The following PKD1 variants were observed in gnomAD, a reference collection of about 807,000 sequenced individuals.
The protein encoded by PKD1 is polycystin-1.
Under a neutral mutation model 361.7 loss-of-function variants are expected in PKD1, and 81 were observed. The observed-to-expected ratio is 0.22, with a 90% CI of 0.19 to 0.27. PKD1 has a LOEUF of 0.27. Among genes scored for constraint, PKD1 ranks in the 10% least tolerant of loss-of-function variants. PKD1 has a pLI of 1.00. For synonymous variants in PKD1, 3,615 were observed against 2,818.3 expected (o/e 1.28, Z -8.95); for missense variants, 6,399 against 6,118.3 (o/e 1.05, Z -1.53).
At chr16:2,105,496 G>C in intron 20 of PKD1, 22 bp from the exon 21 acceptor site, 1 of 1,595,218 alleles carries the variant, frequency 6.3e-7, no homozygotes, top group Admixed American at 1.7e-5. Context: ...AGGGGGCACA[G>C]CAAGCTGTCA....
In PKD1 at chr16:2,112,881, T is replaced by C. The variant is rs2369069; in HGVS notation, c.3068A>G (p.Gln1023Arg). The C allele has an allele frequency of 5.0e-6, 8 of 1,607,004 alleles. No homozygotes were observed. Among genetic ancestry groups the C allele is most frequent in the Non-Finnish European group, 6.8e-6 (8 of 1,179,708 alleles). The change falls in exon 13 of 46, where the codon CAG (glutamine) becomes CGG (arginine). Residue 1023 changes from glutamine (Q) to arginine (R), a missense_variant. By Grantham distance (43) the Gln-to-Arg change is conservative. Coordinates refer to ENST00000262304, the MANE Select transcript of PKD1 (RefSeq NM_001009944.3). The part of the protein sequence containing the change: ...VERMNRMQGL[Q>R]VSTVPAVLSP... ...CAGCACGGCCGGCACTGTGGAGACC[T>C]GCAGACCCTGCATCCTGTTCATCCG...
In PKD1 at chr16:2,090,145, G is replaced by C; in HGVS notation, c.12494C>G (p.Ser4165Cys). 2 of 1,595,758 alleles carry C rather than the reference G, an allele frequency of 1.3e-6. No individual in the cohort carries two copies. The highest frequency in any genetic ancestry group is 1.7e-6 in the Non-Finnish European group (2 of 1,170,224). Reference protein sequence around the residue: ...FEGMEPLPSRSSRGSKVSPDV... With the variant: ...FEGMEPLPSRCSRGSKVSPDV... ...CGGGGATACCTTGGAGCCCCTGGAG[G>C]AGCGAGAGGGCAGCGGCTCCATCCC... Residue 4165 changes from serine to cysteine, a missense_variant, in exon 46 of 46, where the codon TCC becomes TGC. By Grantham distance (112) the Ser-to-Cys change is moderately radical. Coordinates refer to ENST00000262304, the MANE Select transcript of PKD1 (RefSeq NM_001009944.3).
chr16:2,094,143 TGGGTGGCC>T lies in PKD1; in HGVS notation c.10559_10566del (p.Gly3520GlufsTer104), dbSNP rs1173016892. On this transcript the variant is annotated frameshift_variant, in exon 35 of 46. Transcript: ENST00000262304. LOFTEE classifies it high-confidence loss of function. Reference sequence around the variant, plus strand: ...GGCTGTTCCCAGTTCAGGCCTGGGCTGGGTGGCCCCAGCTCCCCCAGCCTCTGCAGCGC... The same window carrying T: ...GGCTGTTCCCAGTTCAGGCCTGGGCTCCAGCTCCCCCAGCCTCTGCAGCGC... 1.9e-6 allele frequency: 3 copies of T among 1,599,274 alleles called. No homozygotes were observed. The East Asian group carries it at 6.8e-5, about 36-fold the overall frequency.
rs771669643 is a variant in PKD1 at position 2,109,319 on chromosome 16, C to T, written c.5848G>A (p.Val1950Met). ...CAGCTCACGTGGTTTTTGCCCCGCA[C>T]GCTCACCACGTGGTCTCCGACGCGG... Reference protein sequence around the residue: ...FPRVGDHVVSVRGKNHVSWAQ... With the variant: ...FPRVGDHVVSMRGKNHVSWAQ... Residue 1950 changes from valine (V) to methionine (M), a missense_variant, in exon 15 of 46, where the codon GTG (valine) becomes ATG (methionine). Val to Met is a conservative substitution (Grantham distance 21, BLOSUM62 1). Coordinates refer to ENST00000262304, the MANE Select transcript of PKD1 (RefSeq NM_001009944.3). The T allele has an allele frequency of 1.1e-5, 18 of 1,587,502 alleles. No homozygotes were observed. Among genetic ancestry groups the T allele is most frequent in the African/African-American group, 4.0e-5 (3 of 74,610 alleles).
intron 1 of PKD1, among the ~76,000 whole-genome samples, chr16:2,124,013 G>T (rs1332778607): frequency 6.6e-6 from 1 of 152,202 alleles, no homozygotes; most frequent in East Asian, 1.9e-4. Context: ...CCTAGCGTGG[G>T]ACCCAGCGGG....
chr16:2,116,928 G>A lies in PKD1; in HGVS notation c.1511C>T (p.Thr504Ile), dbSNP rs771974450. The change falls in exon 7 of 46, where the codon ACA becomes ATA. Residue 504 changes from threonine (T) to isoleucine (I), a missense_variant. Thr to Ile is a moderately conservative substitution (Grantham distance 89, BLOSUM62 -1). Coordinates refer to ENST00000262304, the MANE Select transcript of PKD1 (RefSeq NM_001009944.3). ...CCCGAGCCGGACGCAGTGCTCGGCT[G>A]TGGCTGGGTGTGGCTCCCCGGGCAG... ...NWLPGEPHPA[T>I]AEHCVRLGPT... 8.0e-6 allele frequency: 12 copies of A among 1,508,954 alleles called. No individual in the cohort carries two copies. Among genetic ancestry groups the A allele is most frequent in the South Asian group, 5.9e-5 (5 of 84,514 alleles). 93.5% of individuals were successfully genotyped at this position (1,508,954 alleles called of 1,614,324 possible).
At position 2,090,622 on chromosome 16, in the gene PKD1, C is replaced by CAGCTG. The variant is rs758921376; in HGVS notation, c.12139-37_12139-33dup. The stretch of plus-strand genomic sequence containing the variant: ...GGAAGGCGACACCAGTGAGGGCGTA[C>CAGCTG]AGCTGAGCTGAGCTGAGCTAAGACG... On this transcript the variant is annotated intron_variant, in intron 44 of 45. Transcript: ENST00000262304. 2.8e-4 allele frequency: 444 copies of CAGCTG among 1,609,290 alleles called. 1 individual carries two copies. Among genetic ancestry groups the CAGCTG allele is most frequent in the East Asian group, 5.6e-4 (25 of 44,870 alleles).
At chr16:2,112,269 A>C (rs529939454) in intron 14 of PKD1, 71 bp downstream of exon 14, 3 of 1,362,862 alleles carry the variant, frequency 2.2e-6, no homozygotes, top group African/African-American at 2.9e-5. Flanking sequence ...GGGCAGCTTG[A>C]CTGGGGAGCT....
Position 2,112,604 on chromosome 16 carries a change from G to A in PKD1, c.3162-131C>T, listed in dbSNP as rs996896709. The A allele has an allele frequency of 3.1e-6, 3 of 979,624 alleles. No individual in the cohort carries two copies. The African/African-American group carries it at 4.9e-5, about 16-fold the overall frequency. 60.7% of individuals were successfully genotyped at this position (979,624 alleles called of 1,614,324 possible). On this transcript the variant is annotated intron_variant, in intron 13 of 45. Coordinates refer to ENST00000262304, the MANE Select transcript of PKD1 (RefSeq NM_001009944.3). Reference sequence around the variant, plus strand: ...CGGGCCTCCATTCAGGGCCCACCCGGCTGTGCTGAGGCCTCTCCCGGCTCC... The same window carrying A: ...CGGGCCTCCATTCAGGGCCCACCCGACTGTGCTGAGGCCTCTCCCGGCTCC...
Position 2,091,854 on chromosome 16 carries a change from C to T in PKD1, c.11464G>A (p.Glu3822Lys). 2 of 1,610,578 alleles carry T rather than the reference C, an allele frequency of 1.2e-6. No individual in the cohort carries two copies. ...CTCTCCTCCAGGCTCAGGCCCAGCT[C>T]CTGCACGTAGCCCCCGCTGTCATAC... Reference protein sequence around the residue: ...AVYDSGGYVQELGLSLEESRD... With the variant: ...AVYDSGGYVQKLGLSLEESRD... The change falls in exon 41 of 46, where the codon GAG becomes AAG. Residue 3822 changes from glutamate to lysine, a missense_variant. Glu to Lys is a moderately conservative substitution (Grantham distance 56). Transcript: ENST00000262304.
chr16:2,107,194 A>C (rs34673494), intron 16 of PKD1: 7 of 563,214 alleles, frequency 1.2e-5, no homozygotes, highest in Non-Finnish European at 2.3e-5. Flanking sequence ...GCTGGACCCT[A>C]GCAGGAGGCA....
chr16:2,094,606 C>T, intron 34 of PKD1: 1 of 307,390 alleles, frequency 3.3e-6, no homozygotes, highest in Non-Finnish European at 6.2e-6. Flanking sequence ...GTGTGTCTGT[C>T]CCATGCAGGT....
In PKD1 at chr16:2,102,754, C is replaced by T. The variant is rs2092149047; in HGVS notation, c.8948+60G>A. The T allele has an allele frequency of 3.7e-6, 6 of 1,607,004 alleles. No individual in the cohort carries two copies. The African/African-American group carries it at 4.0e-5, about 11-fold the overall frequency. ...TGCCGTCCCCATGGGGCCAGTAACCCAGGCAATGCTGACCCATGATGCCCT... is the reference window on the plus strand; with the variant it reads ...TGCCGTCCCCATGGGGCCAGTAACCTAGGCAATGCTGACCCATGATGCCCT... On this transcript the variant is annotated intron_variant, in intron 24 of 45. Transcript: ENST00000262304.
Position 2,092,920 on chromosome 16 carries a change from C to T in PKD1, c.11156+34G>A. ...GCTGGACTAAAGGCAAAACTAAAGC[C>T]CAGAAGACAGACCAGTGCACCGGAT... On this transcript the variant is annotated intron_variant, in intron 38 of 45. Coordinates refer to ENST00000262304, the MANE Select transcript of PKD1 (RefSeq NM_001009944.3). The T allele has an allele frequency of 1.9e-6, 3 of 1,612,506 alleles. No homozygotes were observed. The African/African-American group carries it at 4.0e-5, about 21-fold the overall frequency.
chr16:2,115,910 G>A (rs2092625672), intron 9 of PKD1, 82 bp downstream of exon 9: 5 of 1,461,474 alleles, frequency 3.4e-6, no homozygotes, highest in Middle Eastern at 4.8e-4. Flanking sequence ...GTGGCCACAG[G>A]ACCAGCAGAC....
At chr16:2,108,162 G>C (rs969165761) in intron 15 of PKD1, 90 bp downstream of exon 15, 1 of 1,471,516 alleles carries the variant, frequency 6.8e-7, no homozygotes, top group African/African-American at 1.4e-5. Flanking sequence ...CACTGAGGAC[G>C]GGCCAGCCCT....
rs746597380 is a variant in PKD1 at position 2,093,575 on chromosome 16, C to A, written c.10985G>T (p.Arg3662Leu). ...CATGCCATGTAGCCTCTTGACCTTG[C>A]GGGCTTCTTCCTTGGCCAGGAAGAG... ...FALFLAKEEA[R>L]KVKRLHGMLR... Residue 3662 changes from arginine (R) to leucine (L), a missense_variant, in exon 37 of 46, where the codon CGC (arginine) becomes CTC (leucine). Physicochemically the swap from Arg to Leu is moderately radical, Grantham distance 102. Transcript: ENST00000262304. The A allele has an allele frequency of 1.2e-6, 2 of 1,606,404 alleles. No homozygotes were observed. The highest frequency in any genetic ancestry group is 1.7e-6 in the Non-Finnish European group (2 of 1,176,740).
chr16:2,104,372 G>C, intron 22 of PKD1, 126 bp downstream of exon 22: 2 of 564,180 alleles, frequency 3.5e-6, no homozygotes, highest in Non-Finnish European at 6.3e-6. Context: ...ATGAGGATGG[G>C]AATTGGGGGG....
In PKD1 at chr16:2,091,859, A is replaced by C; in HGVS notation, c.11459T>G (p.Val3820Gly). Reference sequence around the variant, plus strand: ...CTCCAGGCTCAGGCCCAGCTCCTGCACGTAGCCCCCGCTGTCATACACGGC... The same window carrying C: ...CTCCAGGCTCAGGCCCAGCTCCTGCCCGTAGCCCCCGCTGTCATACACGGC... ...SCAVYDSGGYVQELGLSLEES... is the reference protein window; with the variant it reads ...SCAVYDSGGYGQELGLSLEES... The change falls in exon 41 of 46, where the codon GTG becomes GGG. Residue 3820 changes from valine to glycine, a missense_variant. Transcript: ENST00000262304. 6.2e-7 allele frequency: 1 copy of C among 1,610,802 alleles called. No homozygotes were observed. Among genetic ancestry groups the C allele is most frequent in the Non-Finnish European group, 8.5e-7 (1 of 1,179,316 alleles).
Sources: gnomAD v4.1 joint callset for allele counts (sites outside exome capture counted in the v4.1 genomes callset) on GRCh38, gnomAD v4.1.1 for gene constraint, MANE v1.5 for transcripts, NCBI Gene and HGNC (gene_info 2026-07-23, HGNC 2026-07-21) for gene names.